Variants in GCLC observed in about 807,000 individuals in gnomAD.
The protein encoded by GCLC is glutamate--cysteine ligase catalytic subunit.
GCLC carries 30 observed loss-of-function variants against 81.5 expected under a neutral mutation model. The observed-to-expected ratio is 0.37, with a 90% CI of 0.28 to 0.50. The LOEUF is 0.50. GCLC is among the 20% of genes least tolerant of loss of function. The probability of loss-of-function intolerance (pLI) is 0.96; values close to 1 mark genes in which losing one functional copy is unlikely to be tolerated. For missense variants in GCLC, 556 were observed against 777.4 expected (o/e 0.72, Z 3.39); for synonymous variants, 262 against 273.3 (o/e 0.96, Z 0.41).
At chr6:53,527,496 C>T (rs963242031) in intron 1 of GCLC, among the ~76,000 whole-genome samples, 2 of 152,140 alleles carry the variant, frequency 1.3e-5, no homozygotes, top group African/African-American at 4.8e-5. Context: ...CTGCCCCCCA[C>T]CCCCAGCACT....
chr6:53,513,912 A>C (rs1764806487), intron 6 of GCLC: 1 of 361,214 alleles, frequency 2.8e-6, no homozygotes, highest in Non-Finnish European at 5.1e-6. Context: ...TAAAAAGAGA[A>C]GGGAAACAAT....
chr6:53,535,638 A>G (rs1337857929), intron 1 of GCLC, among the ~76,000 whole-genome samples: 1 of 152,274 alleles, frequency 6.6e-6, no homozygotes, highest in Non-Finnish European at 1.5e-5. Flanking sequence ...AAAACTCAAT[A>G]GTTTTAGAAC....
At chr6:53,517,143 G>A (rs1356814517) in intron 3 of GCLC, among the ~76,000 whole-genome samples, 1 of 143,148 alleles carries the variant, frequency 7.0e-6, no homozygotes, top group Admixed American at 7.2e-5. Flanking sequence ...CTGGAGTGCA[G>A]TGGTGCAATC....
intron 12 of GCLC, chr6:53,500,842 T>C (rs963023685): frequency 2.5e-6 from 1 of 394,778 alleles, no homozygotes; most frequent in Non-Finnish European, 4.8e-6. Context: ...GGCAGGTGGC[T>C]GGTTCCCTTT....
chr6:53,506,273 AGTT>A lies in GCLC; in HGVS notation c.1198-381_1198-379del. On this transcript the variant is annotated intron_variant, in intron 10 of 15. Coordinates refer to ENST00000650454, the MANE Select transcript of GCLC (RefSeq NM_001498.4). The surrounding 1 kb of genome is among the most constrained non-coding windows in gnomAD (Gnocchi z 4.0). ...TCATCTGAGAACCCTGTCACATGAC[AGTT>A]GTTTCCTTTCTTCCTCCTCTCCTGG... is the stretch of plus-strand genomic sequence containing the variant. 1 of 306,188 alleles carries A rather than the reference AGTT, an allele frequency of 3.3e-6. No homozygotes were observed. 19.0% of individuals were successfully genotyped at this position (306,188 alleles called of 1,614,324 possible). A position where few individuals can be genotyped will look rare whatever the true frequency, so the allele number is the denominator to read the frequency against.
rs781222207 is a variant in GCLC, at chr6:53,522,402, CAT to C, written c.263+11_263+12del. On this transcript the variant is annotated intron_variant, in intron 2 of 15. Coordinates refer to ENST00000650454, the MANE Select transcript of GCLC (RefSeq NM_001498.4). Reference sequence around the variant, plus strand: ...CAGTTTCAGAAACACTAAATCAGCACATGAGAGCTTACTTTGGGTTTGTCCTT... The same window carrying C: ...CAGTTTCAGAAACACTAAATCAGCACGAGAGCTTACTTTGGGTTTGTCCTT... 2.8e-6 allele frequency: 4 copies of C among 1,428,038 alleles called. No homozygotes were observed. The highest frequency in any genetic ancestry group is 1.1e-5 in the South Asian group (1 of 87,536). 88.5% of individuals were successfully genotyped at this position (1,428,038 alleles called of 1,614,324 possible).
intron 12 of GCLC, among the ~76,000 whole-genome samples, chr6:53,504,258 C>T (rs1180130267): frequency 2.4e-4 from 37 of 151,660 alleles, no homozygotes; most frequent in Admixed American, 1.7e-3. Flanking sequence ...GCAATGTTGT[C>T]GGGGCTGCAC....
chr6:53,540,068 G>A (rs752659956), intron 1 of GCLC, among the ~76,000 whole-genome samples: 6 of 152,174 alleles, frequency 3.9e-5, no homozygotes, highest in African/African-American at 1.4e-4. Flanking sequence ...CAATGCACAA[G>A]CCTACCCTTC....
intron 1 of GCLC, among the ~76,000 whole-genome samples, chr6:53,531,671 T>G (rs1337213988): frequency 6.6e-6 from 1 of 152,130 alleles, no homozygotes; most frequent in Non-Finnish European, 1.5e-5. Context: ...CCTCAGTATT[T>G]CAAGAGCTGG....
At position 53,500,427 on chromosome 6, in the gene GCLC, A is replaced by G; in HGVS notation, c.1477+5T>C. On this transcript the variant is annotated splice_donor_5th_base_variant and intron_variant, in intron 13 of 15. Coordinates refer to ENST00000650454, the MANE Select transcript of GCLC (RefSeq NM_001498.4). ...TGACATTAGAAATCTAAGATAATGT[A>G]ATACCTTTGCAAATATCTTTCCTGA... 6.2e-7 allele frequency: 1 copy of G among 1,604,094 alleles called. No homozygotes were observed.
chr6:53,538,292 C>T (rs1763292344), intron 1 of GCLC, among the ~76,000 whole-genome samples: 2 of 151,086 alleles, frequency 1.3e-5, no homozygotes, highest in South Asian at 4.2e-4. Flanking sequence ...GCTGGGATTA[C>T]AGGCACAAGC....
chr6:53,540,704 C>CACA (rs1763339018), intron 1 of GCLC, among the ~76,000 whole-genome samples: 1 of 146,402 alleles, frequency 6.8e-6, no homozygotes, highest in South Asian at 2.1e-4. Flanking sequence ...CACACACACA[C>CACA]AAAAGTCCTG....
At position 53,544,691 on chromosome 6, in the gene GCLC, C is replaced by A. The variant is rs1763419258; in HGVS notation, c.-46G>T. On this transcript the variant is annotated 5_prime_UTR_variant, in exon 1 of 16. Transcript: ENST00000650454. ...CCTCCTCCTCCGGGCTGACGGCGGT[C>A]GCCCGCTCCGGGCGCGAGACGGACA... The A allele has an allele frequency of 6.5e-7, 1 of 1,537,102 alleles. No individual in the cohort carries two copies. Among genetic ancestry groups the A allele is most frequent in the Non-Finnish European group, 8.7e-7 (1 of 1,146,432 alleles).
chr6:53,516,152 G>A lies in GCLC; in HGVS notation c.517C>T (p.Leu173Phe). 6.2e-7 allele frequency: 1 copy of A among 1,613,748 alleles called. No homozygotes were observed. The highest frequency in any genetic ancestry group is 8.5e-7 in the Non-Finnish European group (1 of 1,179,658). Residue 173 changes from leucine to phenylalanine, a missense_variant, in exon 4 of 16, where the codon CTC (leucine) becomes TTC (phenylalanine). Physicochemically the swap from Leu to Phe is conservative, Grantham distance 22. Transcript: ENST00000650454. ...NPVEGGASKS[L>F]FFPDEAINKH... ...TTTATTGCTTCATCTGGAAAGAAGAGGGACTTGGAAGCTCCTCCTTCCACT... is the reference window on the plus strand; with the variant it reads ...TTTATTGCTTCATCTGGAAAGAAGAAGGACTTGGAAGCTCCTCCTTCCACT...
At chr6:53,530,596 A>G (rs1009398141) in intron 1 of GCLC, among the ~76,000 whole-genome samples, 8 of 152,184 alleles carry the variant, frequency 5.3e-5, no homozygotes, top group Non-Finnish European at 1.2e-4. Flanking sequence ...CTGCCTTTTC[A>G]CAGGGCTCGC....
chr6:53,498,230 T>C lies in GCLC; in HGVS notation c.*526A>G, dbSNP rs1484804490. ...CCAATTGCAAAAGAAACATCATAGATAAGGTGCTAGAAACCCAAGATTACC... is the reference window on the plus strand; with the variant it reads ...CCAATTGCAAAAGAAACATCATAGACAAGGTGCTAGAAACCCAAGATTACC... On this transcript the variant is annotated 3_prime_UTR_variant, in exon 16 of 16. Transcript: ENST00000650454. 1 of 155,598 alleles carries C rather than the reference T, an allele frequency of 6.4e-6. No homozygotes were observed. Among genetic ancestry groups the C allele is most frequent in the Non-Finnish European group, 1.4e-5 (1 of 70,124 alleles). The allele number at this position is 155,598 out of a possible 1,614,324, so 9.6% of individuals were successfully genotyped here. A position where few individuals can be genotyped will look rare whatever the true frequency, so the allele number is the denominator to read the frequency against.
intron 6 of GCLC, chr6:53,509,600 T>C (rs1301112405): frequency 5.5e-6 from 2 of 366,888 alleles, no homozygotes; most frequent in African/African-American, 4.2e-5. Context: ...CTTCAGTCAG[T>C]GAGGGATGCA....
At chr6:53,515,198 G>A (rs1167482283) in intron 4 of GCLC, among the ~76,000 whole-genome samples, 1 of 152,116 alleles carries the variant, frequency 6.6e-6, no homozygotes, top group African/African-American at 2.4e-5. Context: ...CTTTAATGTG[G>A]CTATGAGAAC....
At chr6:53,542,167 T>A (rs1162525385) in intron 1 of GCLC, among the ~76,000 whole-genome samples, 3 of 152,196 alleles carry the variant, frequency 2.0e-5, no homozygotes, top group Non-Finnish European at 4.4e-5. Context: ...AGAGTCTTAA[T>A]ACAATACCAA....
Sources: gnomAD v4.1 joint callset for allele counts (sites outside exome capture counted in the v4.1 genomes callset) on GRCh38, gnomAD v4.1.1 for gene constraint, Gnocchi (gnomAD v3.1) non-coding constraint, MANE v1.5 for transcripts, NCBI Gene and HGNC (gene_info 2026-07-23, HGNC 2026-07-21) for gene names.